The following CCNE2 variants were observed in gnomAD, a reference collection of about 807,000 sequenced individuals.
CCNE2 encodes the protein G1/S-specific cyclin-E2.
CCNE2 carries 18 observed loss-of-function variants against 56.8 expected under a neutral mutation model. The ratio of observed to expected loss-of-function variants is 0.32; its 90% CI spans 0.22 to 0.47. CCNE2 has a LOEUF of 0.47. Among genes scored for constraint, CCNE2 ranks in the 20% least tolerant of loss-of-function variants. CCNE2 has a pLI of 1.00. For missense variants in CCNE2, 371 were observed against 467.1 expected, an observed-to-expected ratio of 0.79 and a Z score of 1.90; for synonymous variants, 139 against 149.2, an observed-to-expected ratio of 0.93 and a Z score of 0.50.
rs1816759390 is a variant in CCNE2, at chr8:94,880,331, G to A, written c.*1301C>T. The A allele has an allele frequency of 1.6e-6, 1 of 616,204 alleles. No homozygotes were observed. Among genetic ancestry groups the A allele is most frequent in the Middle Eastern group, 3.4e-4 (1 of 2,972 alleles). The allele number at this position is 616,204 out of a possible 1,614,324, so 38.2% of individuals were successfully genotyped here. A position where few individuals can be genotyped will look rare whatever the true frequency, so the allele number is the denominator to read the frequency against. On this transcript the variant is annotated 3_prime_UTR_variant, in exon 12 of 12. Transcript: ENST00000308108. ...TATATAATACATATGTACACAATTA[G>A]TGGTGTTTTCTTTTCAGACAAAATA...
At chr8:94,885,651 C>CA (rs1817009693) in intron 7 of CCNE2, 93 bp from the exon 8 acceptor site, 3 of 561,060 alleles carry the variant, frequency 5.3e-6, no homozygotes, top group African/African-American at 4.0e-5. Flanking sequence ...CCCAATAAAC[C>CA]AAAATATCAT....
chr8:94,893,573 G>T, intron 4 of CCNE2: 2 of 283,694 alleles, frequency 7.0e-6, no homozygotes, highest in South Asian at 9.1e-5. Flanking sequence ...CAGCTATTAG[G>T]ACCGTCTACT....
chr8:94,891,354 T>A (rs543532453), intron 5 of CCNE2: 18 of 250,028 alleles, frequency 7.2e-5, no homozygotes, highest in African/African-American at 3.9e-4. Context: ...ATCAAGGGTA[T>A]GCATATATGA....
upstream of CCNE2, among the ~76,000 whole-genome samples, chr8:94,895,416 C>A (rs1022736489): frequency 2.6e-5 from 4 of 152,282 alleles, no homozygotes; most frequent in African/African-American, 2.4e-5. Flanking sequence ...CCGCGCTCCA[C>A]GGCGCGGCCG....
chr8:94,886,373 G>A (rs562990224), intron 7 of CCNE2, among the ~76,000 whole-genome samples: 3 of 151,800 alleles, frequency 2.0e-5, no homozygotes, highest in African/African-American at 7.3e-5. Context: ...AGCCAAACTT[G>A]CTTTAAGATT....
intron 10 of CCNE2, 134 bp downstream of exon 10, chr8:94,882,647 A>G (rs1292684937): frequency 9.3e-6 from 6 of 643,986 alleles, no homozygotes; most frequent in South Asian, 4.0e-5. Flanking sequence ...TCTAACAGAA[A>G]GATAATTACT....
chr8:94,881,352 T>C lies in CCNE2; in HGVS notation c.*280A>G. 2.4e-6 allele frequency: 1 copy of C among 411,852 alleles called. No individual in the cohort carries two copies. The highest frequency in any genetic ancestry group is 6.5e-5 in the South Asian group (1 of 15,400). The allele number at this position is 411,852 out of a possible 1,614,324, so 25.5% of individuals were successfully genotyped here. On this transcript the variant is annotated 3_prime_UTR_variant, in exon 12 of 12. Coordinates refer to ENST00000308108, the MANE Select transcript of CCNE2 (RefSeq NM_057749.3). ...GTAACACTGGATTAAAGGAAAAACATTGCTATGGTATAGACTGTGGTTGGC... is the reference window on the plus strand; with the variant it reads ...GTAACACTGGATTAAAGGAAAAACACTGCTATGGTATAGACTGTGGTTGGC...
Position 94,885,448 on chromosome 8 carries a change from CATA to C in CCNE2, c.696+12_696+14del. The C allele has an allele frequency of 1.4e-6, 2 of 1,478,726 alleles. No individual in the cohort carries two copies. Among genetic ancestry groups the C allele is most frequent in the East Asian group, 4.5e-5 (2 of 44,110 alleles). The allele number at this position is 1,478,726 out of a possible 1,614,324, so 91.6% of individuals were successfully genotyped here. A position where few individuals can be genotyped will look rare whatever the true frequency, so the allele number is the denominator to read the frequency against. ...GGTTTCTTTTTTGCAACTAGGAAAA[CATA>C]ATTATTATTACCTTTAATATAATGA... is the stretch of plus-strand genomic sequence containing the variant. On this transcript the variant is annotated intron_variant, in intron 8 of 11. Coordinates refer to ENST00000308108, the MANE Select transcript of CCNE2 (RefSeq NM_057749.3).
chr8:94,889,947 C>A (rs904169689), intron 6 of CCNE2, among the ~76,000 whole-genome samples: 1 of 152,074 alleles, frequency 6.6e-6, no homozygotes, highest in African/African-American at 2.4e-5. Flanking sequence ...GGTATCTGGA[C>A]AATAGAGGGC....
At chr8:94,882,057 C>A in intron 11 of CCNE2, 75 bp downstream of exon 11, 1 of 1,405,204 alleles carries the variant, frequency 7.1e-7, no homozygotes. Flanking sequence ...TGAAGGAGTA[C>A]TCTATTCCTA....
chr8:94,896,408 G>C (rs1370554925), upstream of CCNE2: 1 of 152,012 alleles, frequency 6.6e-6, no homozygotes, highest in Non-Finnish European at 1.5e-5. Flanking sequence ...TTAAACTTAG[G>C]GGTCCCTTCG....
intron 5 of CCNE2, chr8:94,891,933 A>T: frequency 8.4e-7 from 1 of 1,188,952 alleles, no homozygotes. Flanking sequence ...CGATGTGCCA[A>T]CGGACCTACA....
intron 9 of CCNE2, 83 bp downstream of exon 9, chr8:94,884,984 G>T (rs1816980296): frequency 8.4e-7 from 1 of 1,190,812 alleles, no homozygotes; most frequent in Non-Finnish European, 1.2e-6. Flanking sequence ...ATGTCATTTT[G>T]TGGTATAGCC....
intron 4 of CCNE2, 81 bp from the exon 5 acceptor site, chr8:94,893,050 T>C: frequency 9.1e-7 from 1 of 1,097,114 alleles, no homozygotes; most frequent in Non-Finnish European, 1.3e-6. Flanking sequence ...AAATGAAAGC[T>C]AATATGTCTA....
chr8:94,895,214 C>T, upstream of CCNE2: 1 of 985,816 alleles, frequency 1.0e-6, no homozygotes, highest in Non-Finnish European at 1.2e-6. Context: ...CTGGCGCCGG[C>T]GCCAACCCAA....
rs538026830 is a variant in CCNE2 at position 94,887,261 on chromosome 8, G to A, written c.600+666C>T. ...TGGCTCATGCCTGTAGTCCCAGCAC[G>A]CTGGGAGGCCGAGGTGGGTGGATCG... On this transcript the variant is annotated intron_variant, in intron 7 of 11. Transcript: ENST00000308108. Among the ~76,000 whole-genome samples the A allele has an allele frequency of 2.0e-3, 307 of 152,166 alleles. 2 individuals are homozygous for A. Among genetic ancestry groups the A allele is most frequent in the Non-Finnish European group, 2.9e-3 (199 of 67,984 alleles).
chr8:94,895,281 G>A, upstream of CCNE2: 2 of 984,180 alleles, frequency 2.0e-6, no homozygotes, highest in South Asian at 9.4e-5. Context: ...GACACCTCCG[G>A]ACAGCGCGCT....
At chr8:94,892,230 A>C in intron 5 of CCNE2, 2 of 366,592 alleles carry the variant, frequency 5.5e-6, no homozygotes, top group Non-Finnish European at 1.0e-5. Context: ...ACCTCTAAAT[A>C]GATCATCTAC....
At chr8:94,891,756 T>C in intron 5 of CCNE2, 1 of 1,094,816 alleles carries the variant, frequency 9.1e-7, no homozygotes, top group Middle Eastern at 2.9e-4. Flanking sequence ...GTGGAGTTGG[T>C]AGGTGTACCC....
Sources: gnomAD v4.1 joint callset for allele counts (sites outside exome capture counted in the v4.1 genomes callset) on GRCh38, gnomAD v4.1.1 for gene constraint, MANE v1.5 for transcripts, NCBI Gene and HGNC (gene_info 2026-07-23, HGNC 2026-07-21) for gene names.